The following ZFP1 variants were observed in gnomAD, a reference collection of about 807,000 sequenced individuals.
ZFP1 encodes the protein ZFP1 zinc finger protein.
ZFP1 carries 32 observed loss-of-function variants against 38.5 expected under a neutral mutation model. That is an observed-to-expected ratio of 0.83 (90% CI 0.63 to 1.12). The LOEUF is 1.12. ZFP1 is among the 50% of genes most tolerant of loss of function. The pLI is 0.00. For missense variants in ZFP1, 616 were observed against 480.8 expected, an observed-to-expected ratio of 1.28 and a Z score of -2.63; for synonymous variants, 245 against 168.8, an observed-to-expected ratio of 1.45 and a Z score of -3.50.
At chr16:75,152,761 T>A (rs2037271224) in intron 1 of ZFP1, 148 bp from the exon 2 acceptor site, 3 of 618,788 alleles carry the variant, frequency 4.8e-6, no homozygotes, top group Non-Finnish European at 8.4e-6. Context: ...GTATGATCTT[T>A]TCTGCCCCTT....
chr16:75,127,381 G>A, the ZFP1 span, among the ~76,000 whole-genome samples: 15 of 151,290 alleles, frequency 9.9e-5, no homozygotes, highest in African/African-American at 2.7e-4. Context: ...GGGCGACAGA[G>A]CAAGACTCTG....
chr16:75,122,258 A>T, the ZFP1 span, among the ~76,000 whole-genome samples: 2 of 152,212 alleles, frequency 1.3e-5, no homozygotes, highest in African/African-American at 4.8e-5. Flanking sequence ...TGGACCGCAC[A>T]GTCTAAGCTA....
the ZFP1 span, among the ~76,000 whole-genome samples, chr16:75,129,751 C>A: frequency 6.6e-6 from 1 of 152,198 alleles, no homozygotes; most frequent in Admixed American, 6.5e-5. Flanking sequence ...GAGGCTGTGT[C>A]ATGGGCATGT....
chr16:75,157,461 C>G (rs971970007), intron 2 of ZFP1, among the ~76,000 whole-genome samples: 1 of 151,900 alleles, frequency 6.6e-6, no homozygotes. Context: ...CCAGGCTGGT[C>G]TTGAACTCCT....
At position 75,170,447 on chromosome 16, in the gene ZFP1, C is replaced by T; in HGVS notation, c.*113C>T. 1 of 1,366,220 alleles carries T rather than the reference C, an allele frequency of 7.3e-7. No homozygotes were observed. The highest frequency in any genetic ancestry group is 9.6e-7 in the Non-Finnish European group (1 of 1,044,388). The allele number at this position is 1,366,220 out of a possible 1,614,324, so 84.6% of individuals were successfully genotyped here. ...GAATTCATACTGAGATGCAATCTCT[C>T]AACTCAAAAATGTATTAAAAATAGG... On this transcript the variant is annotated 3_prime_UTR_variant, in exon 4 of 4. Coordinates refer to ENST00000570010, the MANE Select transcript of ZFP1 (RefSeq NM_153688.4).
At chr16:75,122,741 T>C in the ZFP1 span, among the ~76,000 whole-genome samples, 5 of 152,262 alleles carry the variant, frequency 3.3e-5, no homozygotes, top group East Asian at 1.9e-4. Context: ...GGAAAAGCAC[T>C]GTTATCATCT....
At chr16:75,144,762 A>G (rs2036925369), upstream of ZFP1, among the ~76,000 whole-genome samples, 1 of 152,144 alleles carries the variant, frequency 6.6e-6, no homozygotes, top group Admixed American at 6.5e-5. Context: ...AAATTTGCCT[A>G]TCCTAGGTAC....
the ZFP1 span, among the ~76,000 whole-genome samples, chr16:75,126,507 G>C: frequency 1.4e-4 from 22 of 152,276 alleles, no homozygotes; most frequent in South Asian, 4.6e-3. Context: ...AGGTTCAAGT[G>C]ATTCTCCTGC....
At chr16:75,154,038 GA>G (rs1338203496) in intron 2 of ZFP1, among the ~76,000 whole-genome samples, 3 of 152,166 alleles carry the variant, frequency 2.0e-5, no homozygotes, top group Non-Finnish European at 2.9e-5. Flanking sequence ...CCAACACGGT[GA>G]AACCCCGTCT....
chr16:75,163,842 C>T (rs2037919612), intron 2 of ZFP1, among the ~76,000 whole-genome samples: 1 of 152,140 alleles, frequency 6.6e-6, no homozygotes, highest in Non-Finnish European at 1.5e-5. Context: ...AACTCCTGAG[C>T]TCAAGCAGTC....
At chr16:75,159,666 A>G (rs1265103651) in intron 2 of ZFP1, among the ~76,000 whole-genome samples, 1 of 151,882 alleles carries the variant, frequency 6.6e-6, no homozygotes, top group East Asian at 1.9e-4. Context: ...TCAGCCTCCC[A>G]AAGTGCTGGG....
chr16:75,161,324 C>T (rs972810488), intron 2 of ZFP1, among the ~76,000 whole-genome samples: 2 of 151,992 alleles, frequency 1.3e-5, no homozygotes, highest in Non-Finnish European at 2.9e-5. Flanking sequence ...CCGCCTCGGC[C>T]TCTCAAAGTG....
In ZFP1 at chr16:75,169,650, G is replaced by A. The variant is rs749105534; in HGVS notation, c.540G>A (p.Leu180=). Residue 180 remains leucine (L), a synonymous_variant, in exon 4 of 4, where the codon TTG becomes TTA. Transcript: ENST00000570010. ...AIFKHQKIKN[L]VQPFICTYCD... ...TTAAACATCAGAAAATAAAAAACTTGGTTCAACCTTTCATTTGTACTTACT... is the reference window on the plus strand; with the variant it reads ...TTAAACATCAGAAAATAAAAAACTTAGTTCAACCTTTCATTTGTACTTACT... 2.1e-5 allele frequency: 33 copies of A among 1,597,364 alleles called. 1 individual carries two copies. In the South Asian group the frequency reaches 2.6e-4, roughly 13 times the overall value.
At position 75,153,836 on chromosome 16, in the gene ZFP1, C is replaced by T. The variant is rs139411358; in HGVS notation, c.15+870C>T. Among the ~76,000 whole-genome samples, 150 of 152,278 alleles carry T rather than the reference C, an allele frequency of 9.9e-4. No homozygotes were observed. The East Asian group carries it at 0.023, about 24-fold the overall frequency. ...TCACTGCCCTGAAAATCCCGTGCTCCGCCTATGCACCTCTCCCTCTGTCTC... is the reference window on the plus strand; with the variant it reads ...TCACTGCCCTGAAAATCCCGTGCTCTGCCTATGCACCTCTCCCTCTGTCTC... On this transcript the variant is annotated intron_variant, in intron 2 of 3. Transcript: ENST00000570010.
chr16:75,146,535 G>C (rs1289928559), upstream of ZFP1, among the ~76,000 whole-genome samples: 3 of 152,086 alleles, frequency 2.0e-5, no homozygotes, highest in African/African-American at 4.8e-5. Flanking sequence ...CAGATGTTTA[G>C]AGCAGCTTTA....
the ZFP1 span, among the ~76,000 whole-genome samples, chr16:75,123,719 C>G: frequency 0.46 from 68,774 of 150,342 alleles, 16,204 homozygotes; most frequent in Middle Eastern, 0.57. Flanking sequence ...CTCAGGCAAT[C>G]TGTCCACCTC....
the ZFP1 span, among the ~76,000 whole-genome samples, chr16:75,133,936 C>G: frequency 1.3e-5 from 2 of 152,050 alleles, no homozygotes; most frequent in African/African-American, 4.8e-5. Context: ...GTAGCCCCAG[C>G]TACTTGGGAG....
chr16:75,132,505 C>G, the ZFP1 span: 8 of 151,944 alleles, frequency 5.3e-5, no homozygotes, highest in Admixed American at 5.3e-4. Flanking sequence ...ACTATTATAT[C>G]TAGGTGAGAT....
At chr16:75,138,724 C>T in the ZFP1 span, among the ~76,000 whole-genome samples, 5 of 152,202 alleles carry the variant, frequency 3.3e-5, no homozygotes, top group Non-Finnish European at 5.9e-5. Flanking sequence ...CAGAGCCAGC[C>T]GCAGCAGCGA....
Sources: gnomAD v4.1 joint callset for allele counts (sites outside exome capture counted in the v4.1 genomes callset) on GRCh38, gnomAD v4.1.1 for gene constraint, MANE v1.5 for transcripts, NCBI Gene and HGNC (gene_info 2026-07-23, HGNC 2026-07-21) for gene names.